KIF1C: variants seen among roughly 807,000 people sequenced by gnomAD.
KIF1C encodes the protein kinesin family member 1C.
A neutral mutation model predicts 126.5 loss-of-function variants in KIF1C; 61 were observed. The observed-to-expected ratio is 0.48, with a 90% CI of 0.39 to 0.60. KIF1C has a LOEUF of 0.60. Among genes scored for constraint, KIF1C ranks in the 20% least tolerant of loss-of-function variants. KIF1C has a pLI of 0.00. For synonymous variants in KIF1C, 640 were observed against 580.6 expected, an observed-to-expected ratio of 1.10 and a Z score of -1.47; for missense variants, 1,315 against 1,489.2, an observed-to-expected ratio of 0.88 and a Z score of 1.93.
At position 5,020,566 on chromosome 17, in the gene KIF1C, C is replaced by T; in HGVS notation, c.1825C>T (p.Arg609Ter). Residue 609 changes from arginine (R) to a stop codon, truncating the protein, a stop_gained, in exon 20 of 23, where the codon CGA (arginine) becomes TGA (stop). Coordinates refer to ENST00000320785, the MANE Select transcript of KIF1C (RefSeq NM_006612.6). LOFTEE classifies it high-confidence loss of function. The surrounding 1 kb of genome is among the most constrained non-coding windows in gnomAD (Gnocchi z 5.8). ...HPEQARLERE[R>*]GVPPPPGPPS... ...GGAGCAGGCAAGGCTGGAACGGGAA[C>T]GAGGGGTCCCCCCACCCCCAGGACC... The T allele has an allele frequency of 6.2e-7, 1 of 1,614,222 alleles. No homozygotes were observed. The highest frequency in any genetic ancestry group is 8.5e-7 in the Non-Finnish European group (1 of 1,180,024).
rs771071450 is a variant in KIF1C, at chr17:5,000,817, C to A, written c.152C>A (p.Thr51Asn). 3.7e-6 allele frequency: 6 copies of A among 1,613,952 alleles called. No individual in the cohort carries two copies. The highest frequency in any genetic ancestry group is 1.7e-5 in the Admixed American group (1 of 60,002). ...KQSKDAPKSF[T>N]FDYSYWSHTS... is the part of the protein sequence containing the mutation. ...AGCAAGGATGCCCCCAAAAGCTTCA[C>A]CTTTGACTACTCCTACTGGTCACAC... The change falls in exon 4 of 23, where the codon ACC becomes AAC. Residue 51 changes from threonine (T) to asparagine (N), a missense_variant. By Grantham distance (65) the Thr-to-Asn change is moderately conservative. Coordinates refer to ENST00000320785, the MANE Select transcript of KIF1C (RefSeq NM_006612.6).
At position 5,004,002 on chromosome 17, in the gene KIF1C, CAAA is replaced by C; in HGVS notation, c.870_872del (p.Lys292del). The C allele has an allele frequency of 6.2e-7, 1 of 1,613,922 alleles. No homozygotes were observed. Among genetic ancestry groups the C allele is most frequent in the Non-Finnish European group, 8.5e-7 (1 of 1,179,844 alleles). On this transcript the variant is annotated inframe_deletion, in exon 11 of 23. Coordinates refer to ENST00000320785, the MANE Select transcript of KIF1C (RefSeq NM_006612.6). ...CTTCCTCCTTTTATCCCCCAGCAAT[CAAA>C]GAAGCGAAAGTCGGATTTTATCCCC...
Position 5,023,857 on chromosome 17 carries a change from T to C in KIF1C, c.3018T>C (p.Pro1006=). ...SGEAPTPLQP[P]EEVTPHPATP... Reference sequence around the variant, plus strand: ...AGGCTCCAACTCCGCTCCAACCCCCTGAGGAGGTCACTCCCCATCCAGCCA... The same window carrying C: ...AGGCTCCAACTCCGCTCCAACCCCCCGAGGAGGTCACTCCCCATCCAGCCA... The change falls in exon 23 of 23, where the codon CCT becomes CCC. Residue 1006 remains proline, a synonymous_variant. Coordinates refer to ENST00000320785, the MANE Select transcript of KIF1C (RefSeq NM_006612.6). This position sits in a 1 kb window ranked among gnomAD's most constrained non-coding sequence, Gnocchi z 4.2. 2.0e-6 allele frequency: 3 copies of C among 1,526,716 alleles called. No homozygotes were observed. In the African/African-American group the frequency reaches 4.2e-5, roughly 21 times the overall value. The allele number at this position is 1,526,716 out of a possible 1,614,324, so 94.6% of individuals were successfully genotyped here. A position where few individuals can be genotyped will look rare whatever the true frequency, so the allele number is the denominator to read the frequency against.
chr17:5,005,121 C>G, intron 13 of KIF1C, 121 bp downstream of exon 13: 1 of 1,237,820 alleles, frequency 8.1e-7, no homozygotes, highest in Non-Finnish European at 1.1e-6. Flanking sequence ...CTTTCATGTG[C>G]TCAGTGACGT....
intron 18 of KIF1C, among the ~76,000 whole-genome samples, chr17:5,018,672 G>GT (rs1383011544): frequency 6.7e-6 from 1 of 148,678 alleles, no homozygotes; most frequent in Admixed American, 6.8e-5. Flanking sequence ...TCCAACAAGA[G>GT]TTTCACTCCA....
intron 16 of KIF1C, 111 bp downstream of exon 16, chr17:5,007,653 C>G: frequency 1.3e-6 from 1 of 772,182 alleles, no homozygotes; most frequent in South Asian, 2.5e-5. Context: ...TTGAGGTCCC[C>G]GGCTTGTCCC....
chr17:5,007,670 AT>A (rs1247601795), intron 16 of KIF1C, 128 bp downstream of exon 16: 3 of 644,960 alleles, frequency 4.7e-6, no homozygotes, highest in East Asian at 2.9e-5. Context: ...TCCCTCCATC[AT>A]TTCTGTCCCC....
At chr17:5,010,282 T>C (rs1974832554) in intron 16 of KIF1C, among the ~76,000 whole-genome samples, 5 of 152,202 alleles carry the variant, frequency 3.3e-5, no homozygotes. Flanking sequence ...GGTATTCTAT[T>C]GTGTAGATGT....
chr17:5,013,697 GTGTC>G lies in KIF1C; in HGVS notation c.1539_1542del (p.Leu514SerfsTer14). The stretch of plus-strand genomic sequence containing the variant: ...TGAACGAAGACCCTCTGATGTCTGA[GTGTC>G]TGCTCTACCACATCAAAGATGGCGT... On this transcript the variant is annotated frameshift_variant, in exon 17 of 23. Coordinates refer to ENST00000320785, the MANE Select transcript of KIF1C (RefSeq NM_006612.6). LOFTEE classifies it high-confidence loss of function. 1.2e-6 allele frequency: 2 copies of G among 1,613,880 alleles called. No homozygotes were observed. The highest frequency in any genetic ancestry group is 1.7e-6 in the Non-Finnish European group (2 of 1,179,824).
intron 13 of KIF1C, among the ~76,000 whole-genome samples, chr17:5,005,780 G>A (rs576167527): frequency 1.6e-4 from 24 of 150,340 alleles, no homozygotes; most frequent in Admixed American, 1.4e-3. Flanking sequence ...AGGCTGGAGT[G>A]CAGTGGCTCC....
chr17:5,000,117 T>G, intron 2 of KIF1C, 103 bp from the exon 3 acceptor site: 1 of 659,888 alleles, frequency 1.5e-6, no homozygotes, highest in Non-Finnish European at 2.7e-6. Context: ...GCTGGGTGGC[T>G]CTGGGGGAGA....
chr17:5,019,637 G>C (rs1975047537), intron 18 of KIF1C: 1 of 261,738 alleles, frequency 3.8e-6, no homozygotes, highest in South Asian at 5.3e-5. Context: ...CAGTGGGAAA[G>C]GTAGGAATGG....
rs1182319112 is a variant in KIF1C at position 5,023,651 on chromosome 17, C to T, written c.2812C>T (p.Arg938Cys). ...MEEDPAFRRGRLRWLKQEQLR... is the reference protein window; with the variant it reads ...MEEDPAFRRGCLRWLKQEQLR... ...GGAGGACCCTGCCTTCCGTCGTGGTCGTCTTCGCTGGCTCAAGCAGGAGCA... is the reference window on the plus strand; with the variant it reads ...GGAGGACCCTGCCTTCCGTCGTGGTTGTCTTCGCTGGCTCAAGCAGGAGCA... The change falls in exon 23 of 23, where the codon CGT becomes TGT. Residue 938 changes from arginine to cysteine, a missense_variant. Physicochemically the swap from Arg to Cys is radical, Grantham distance 180. Transcript: ENST00000320785. This position sits in a 1 kb window ranked among gnomAD's most constrained non-coding sequence, Gnocchi z 4.2. The T allele has an allele frequency of 1.2e-6, 2 of 1,612,380 alleles. No individual in the cohort carries two copies. Among genetic ancestry groups the T allele is most frequent in the South Asian group, 1.1e-5 (1 of 90,940 alleles).
chr17:5,002,688 A>AAGGTGAG (rs1211956531), intron 7 of KIF1C, 43 bp from the exon 8 acceptor site: 14 of 1,612,454 alleles, frequency 8.7e-6, no homozygotes, highest in Non-Finnish European at 1.2e-5. Flanking sequence ...CAGGGTTGGG[A>AAGGTGAG]AGGTGAGAGG....
chr17:5,008,788 G>A (rs1316718900), intron 16 of KIF1C, among the ~76,000 whole-genome samples: 1 of 152,178 alleles, frequency 6.6e-6, no homozygotes, highest in East Asian at 1.9e-4. Context: ...AGACTCTTCT[G>A]GGACCCAGCC....
At chr17:5,000,573 C>A (rs957391615) in intron 3 of KIF1C, among the ~76,000 whole-genome samples, 199 bp from the exon 4 acceptor site, 2 of 150,366 alleles carry the variant, frequency 1.3e-5, no homozygotes, top group African/African-American at 4.9e-5. Flanking sequence ...TCCAGGGAGG[C>A]AGCTCAGTGG....
rs1214842264 is a variant in KIF1C at position 5,012,048 on chromosome 17, TAAAC to T, written c.1492-1602_1492-1599del. ...GAACAAATGAATGAATAAACGAACT[TAAAC>T]AAGGGCATGAGACAATCAGAAACTC... On this transcript the variant is annotated intron_variant, in intron 16 of 22. Coordinates refer to ENST00000320785, the MANE Select transcript of KIF1C (RefSeq NM_006612.6). 5.3e-5 allele frequency: 8 copies of T among 152,288 alleles called. No homozygotes were observed. In the East Asian group the frequency reaches 1.2e-3, roughly 22 times the overall value. The allele number at this position is 152,288 out of a possible 1,614,324, so 9.4% of individuals were successfully genotyped here. A position where few individuals can be genotyped will look rare whatever the true frequency, so the allele number is the denominator to read the frequency against.
intron 16 of KIF1C, among the ~76,000 whole-genome samples, chr17:5,013,411 TGAG>T (rs1567724893): frequency 6.6e-6 from 1 of 151,898 alleles, no homozygotes; most frequent in Non-Finnish European, 1.5e-5. Context: ...GCCCCTTGTG[TGAG>T]GAGAGGGTGG....
At chr17:5,005,940 C>T (rs941534447) in intron 13 of KIF1C, among the ~76,000 whole-genome samples, 6 of 151,774 alleles carry the variant, frequency 4.0e-5, no homozygotes, top group African/African-American at 1.2e-4. Flanking sequence ...GGCACAGTGG[C>T]TCACGCCTGT....
Sources: allele counts gnomAD v4.1 joint callset (sites outside exome capture counted in the v4.1 genomes callset), GRCh38; gene constraint gnomAD v4.1.1; non-coding constraint Gnocchi (gnomAD v3.1); transcripts MANE v1.5; gene names NCBI Gene and HGNC (gene_info 2026-07-23, HGNC 2026-07-21).